The following WNK3 variants were observed in gnomAD, a reference collection of about 807,000 sequenced individuals.
The protein encoded by WNK3 is WNK lysine deficient protein kinase 3, also known as serine/threonine-protein kinase WNK3.
WNK3 carries 18 observed loss-of-function variants against 116.7 expected under a neutral mutation model. The ratio of observed to expected loss-of-function variants is 0.15; its 90% CI spans 0.11 to 0.23. The LOEUF is 0.23. Ranked by LOEUF, WNK3 falls within the 10% of genes least tolerant of loss-of-function variation. The pLI, the probability that WNK3 is intolerant of heterozygous loss-of-function variation, is 1.00. For synonymous variants in WNK3, 404 were observed against 469.4 expected, an observed-to-expected ratio of 0.86 and a Z score of 1.80; for missense variants, 993 against 1,323.8, an observed-to-expected ratio of 0.75 and a Z score of 3.88.
intron 10 of WNK3, among the ~76,000 whole-genome samples, chrX:54,288,144 T>G (rs2068600371): frequency 9.0e-6 from 1 of 111,230 alleles, no homozygotes; most frequent in Admixed American, 9.6e-5. Flanking sequence ...TGCTGGCTGG[T>G]ATTGTGCTAG....
intron 10 of WNK3, among the ~76,000 whole-genome samples, chrX:54,278,549 T>C (rs895216058): frequency 9.0e-6 from 1 of 110,596 alleles, no homozygotes; most frequent in Admixed American, 9.7e-5. Context: ...CATAAATGAA[T>C]TAAACAGAAT....
exon 24 of WNK3, chrX:54,198,311 C>A: frequency 8.7e-7 from 1 of 1,150,596 alleles, no homozygotes; most frequent in Non-Finnish European, 1.2e-6. Flanking sequence ...TTTTTATCAC[C>A]ATCTACTCTG....
At chrX:54,227,222 G>A (rs1249359028) in intron 22 of WNK3, among the ~76,000 whole-genome samples, 1 of 109,049 alleles carries the variant, frequency 9.2e-6, no homozygotes, top group African/African-American at 3.3e-5. Flanking sequence ...TCTTTTTTTC[G>A]CCTCATATGT....
chrX:54,326,660 C>G (rs929248591), intron 2 of WNK3, among the ~76,000 whole-genome samples: 5 of 110,208 alleles, frequency 4.5e-5, no homozygotes, highest in Non-Finnish European at 9.5e-5. Context: ...TAGTGAGACC[C>G]TGCCTCTAAA....
chrX:54,305,929 C>T (rs998469524), intron 5 of WNK3, among the ~76,000 whole-genome samples: 1 of 110,283 alleles, frequency 9.1e-6, no homozygotes, highest in Non-Finnish European at 1.9e-5. Context: ...GTGGTGCACG[C>T]CTGTAATCCC....
intron 1 of WNK3, among the ~76,000 whole-genome samples, chrX:54,355,607 G>A (rs1432344963): frequency 2.7e-5 from 3 of 109,771 alleles, no homozygotes; most frequent in African/African-American, 9.9e-5. Context: ...AGCATTCCAG[G>A]TAGAGGGGGA....
exon 9 of WNK3, chrX:54,293,162 A>G (rs1236011730): frequency 2.5e-6 from 3 of 1,208,529 alleles, no homozygotes; most frequent in Non-Finnish European, 2.2e-6. Context: ...ATGTCCTACT[A>G]GTTGCTGAGA....
At chrX:54,204,451 T>C (rs1192619313) in intron 22 of WNK3, among the ~76,000 whole-genome samples, 2 of 111,745 alleles carry the variant, frequency 1.8e-5, no homozygotes, top group East Asian at 5.6e-4. Flanking sequence ...TAGTGTTGTA[T>C]AAGAAGAGTT....
At chrX:54,309,784 G>A (rs1271703689) in intron 3 of WNK3, among the ~76,000 whole-genome samples, 2 of 111,523 alleles carry the variant, frequency 1.8e-5, no homozygotes, top group African/African-American at 6.5e-5. Context: ...TGCCTGCCTC[G>A]GCCTCCCAAA....
intron 17 of WNK3, among the ~76,000 whole-genome samples, chrX:54,245,853 G>A (rs1191301623): frequency 8.9e-6 from 1 of 111,756 alleles, no homozygotes; most frequent in Non-Finnish European, 1.9e-5. Flanking sequence ...TCAGTCACAG[G>A]AATGTACACA....
intron 18 of WNK3, 54 bp from the exon 19 acceptor site, chrX:54,238,526 A>G: frequency 5.3e-6 from 6 of 1,130,911 alleles, no homozygotes; most frequent in Admixed American, 2.6e-5. Context: ...TGTTAAGACT[A>G]AATTTGTTTA....
At chrX:54,296,410 C>T (rs1557166323) in intron 7 of WNK3, among the ~76,000 whole-genome samples, 2 of 110,972 alleles carry the variant, frequency 1.8e-5, no homozygotes, top group Admixed American at 9.6e-5. Context: ...TATGCCATTG[C>T]TGGCTTTGAA....
At chrX:54,259,161 A>T (rs891140171) in intron 11 of WNK3, 113 bp downstream of exon 11, 9 of 343,506 alleles carry the variant, frequency 2.6e-5, no homozygotes, top group Middle Eastern at 7.5e-4. Context: ...AAACATCCAC[A>T]CAAGTACAAG....
intron 7 of WNK3, among the ~76,000 whole-genome samples, chrX:54,295,516 G>A (rs2068688553): frequency 9.0e-6 from 1 of 111,709 alleles, no homozygotes; most frequent in Non-Finnish European, 1.9e-5. Context: ...CACAGTACTA[G>A]GCACCAGATA....
At chrX:54,274,010 GGCA>G (rs1440374783) in intron 10 of WNK3, among the ~76,000 whole-genome samples, 2 of 111,346 alleles carry the variant, frequency 1.8e-5, no homozygotes, top group Non-Finnish European at 3.8e-5. Flanking sequence ...TACAGTAACT[GGCA>G]GCAAGGCAGG....
At chrX:54,312,580 G>A (rs1330216036) in intron 2 of WNK3, among the ~76,000 whole-genome samples, 1 of 109,745 alleles carries the variant, frequency 9.1e-6, no homozygotes, top group Non-Finnish European at 1.9e-5. Context: ...TGGGATTACA[G>A]GTGCCCACCA....
At chrX:54,234,825 CAAAAAAAAAAA>C (rs782143289) in intron 20 of WNK3, among the ~76,000 whole-genome samples, 1 of 60,509 alleles carries the variant, frequency 1.7e-5, no homozygotes, top group Non-Finnish European at 3.1e-5. Flanking sequence ...GACTCCGTCT[CAAAAAAAAAAA>C]AAACCAAAAA....
intron 20 of WNK3, among the ~76,000 whole-genome samples, chrX:54,233,442 A>G (rs2146854852): frequency 9.7e-6 from 1 of 102,971 alleles, no homozygotes; most frequent in South Asian, 4.8e-4. Context: ...TGTCAAAAAA[A>G]AAAAAAGAAA....
At chrX:54,261,677 C>G (rs782440411) in intron 10 of WNK3, among the ~76,000 whole-genome samples, 2 of 111,702 alleles carry the variant, frequency 1.8e-5, no homozygotes, top group African/African-American at 3.3e-5. Context: ...TGTATGTACT[C>G]TTTTATAATC....
Sources: gnomAD v4.1 joint callset for allele counts (sites outside exome capture counted in the v4.1 genomes callset) on GRCh38, gnomAD v4.1.1 for gene constraint, MANE v1.5 for transcripts, NCBI Gene and HGNC (gene_info 2026-07-23, HGNC 2026-07-21) for gene names.